Variants in ERBB4 observed in about 807,000 individuals in gnomAD.
The protein encoded by ERBB4 is erb-b2 receptor tyrosine kinase 4.
In ERBB4, 42 loss-of-function variants were observed where a neutral mutation model predicts 158.0. That is an observed-to-expected ratio of 0.27 (90% CI 0.21 to 0.34). The LOEUF (loss-of-function observed/expected upper bound fraction) is 0.34, where lower values mean the gene tolerates loss of function less well. Ranked by LOEUF, ERBB4 falls within the 10% of genes least tolerant of loss-of-function variation. The pLI is 1.00. For synonymous variants in ERBB4, 583 were observed against 558.7 expected (o/e 1.04, Z -0.61); for missense variants, 1,333 against 1,624.1 (o/e 0.82, Z 3.08).
At chr2:211,843,457 T>A (rs1030965192) in intron 3 of ERBB4, among the ~76,000 whole-genome samples, 3 of 151,972 alleles carry the variant, frequency 2.0e-5, no homozygotes, top group African/African-American at 7.2e-5. Flanking sequence ...CAGGATAGTT[T>A]TGCATAATGG....
At chr2:212,503,826 C>T (rs932502070) in intron 1 of ERBB4, among the ~76,000 whole-genome samples, 1 of 151,970 alleles carries the variant, frequency 6.6e-6, no homozygotes, top group Admixed American at 6.6e-5. Flanking sequence ...AAGGTCCTGT[C>T]TTTTGCCAGT....
chr2:211,999,689 C>T (rs969417094), intron 2 of ERBB4, among the ~76,000 whole-genome samples: 3 of 151,738 alleles, frequency 2.0e-5, no homozygotes, highest in Non-Finnish European at 4.4e-5. Flanking sequence ...TTAATTGTAG[C>T]TACAAATGGG....
intron 20 of ERBB4, among the ~76,000 whole-genome samples, chr2:211,539,188 C>T (rs551537245): frequency 1.3e-5 from 2 of 151,972 alleles, no homozygotes; most frequent in South Asian, 4.1e-4. Context: ...TTTGACTTAA[C>T]AGAGCTAAGA....
At chr2:211,581,275 CAATT>C (rs756711179) in intron 19 of ERBB4, among the ~76,000 whole-genome samples, 97 of 151,538 alleles carry the variant, frequency 6.4e-4, no homozygotes, top group African/African-American at 2.2e-3. Context: ...GGAAATAAAA[CAATT>C]AATATAGAAA....
chr2:212,487,741 G>T (rs1027317228), intron 1 of ERBB4, among the ~76,000 whole-genome samples: 2 of 152,008 alleles, frequency 1.3e-5, no homozygotes, highest in African/African-American at 2.4e-5. Flanking sequence ...TAAAAGAGGA[G>T]CACCAAAAAG....
rs1424325517 is a variant in ERBB4, at chr2:211,580,096, T to A, written c.2302-18008A>T. On this transcript the variant is annotated intron_variant, in intron 19 of 27. Coordinates refer to ENST00000342788, the MANE Select transcript of ERBB4 (RefSeq NM_005235.3). Reference sequence around the variant, plus strand: ...TGTTGGTGCTTTTTAAATAAGTTGTTTTGAGGAGAGTTCAAATTACAGTAT... The same window carrying A: ...TGTTGGTGCTTTTTAAATAAGTTGTATTGAGGAGAGTTCAAATTACAGTAT... Among the ~76,000 whole-genome samples, 4 of 152,168 alleles carry A rather than the reference T, an allele frequency of 2.6e-5. No homozygotes were observed. In the East Asian group the frequency reaches 7.7e-4, roughly 29 times the overall value.
At chr2:212,330,159 C>A (rs1346410859) in intron 1 of ERBB4, among the ~76,000 whole-genome samples, 1 of 152,018 alleles carries the variant, frequency 6.6e-6, no homozygotes. Context: ...CATTCATGGG[C>A]CACTTAGGGC....
chr2:211,671,316 C>T (rs1285798838), intron 14 of ERBB4, among the ~76,000 whole-genome samples: 2 of 151,976 alleles, frequency 1.3e-5, no homozygotes, highest in Admixed American at 6.6e-5. Context: ...AATATGTATA[C>T]TCATGAAGCC....
chr2:211,426,194 G>T (rs1559155922), intron 22 of ERBB4, among the ~76,000 whole-genome samples: 1 of 152,182 alleles, frequency 6.6e-6, no homozygotes, highest in Admixed American at 6.5e-5. Context: ...TTATATCCTT[G>T]TAAAGGTGAT....
chr2:212,430,271 T>C (rs965580172), intron 1 of ERBB4, among the ~76,000 whole-genome samples: 2 of 151,636 alleles, frequency 1.3e-5, no homozygotes, highest in Non-Finnish European at 2.9e-5. Flanking sequence ...AGCAGTCATA[T>C]TATTAAAATC....
intron 2 of ERBB4, among the ~76,000 whole-genome samples, chr2:212,003,645 A>T (rs1327113280): frequency 6.6e-6 from 1 of 152,212 alleles, no homozygotes; most frequent in Non-Finnish European, 1.5e-5. Flanking sequence ...ATAAAATAAT[A>T]AAAATATTTT....
intron 2 of ERBB4, among the ~76,000 whole-genome samples, chr2:212,103,772 T>C (rs2079148546): frequency 6.6e-6 from 1 of 152,014 alleles, no homozygotes; most frequent in African/African-American, 2.4e-5. Context: ...AAAATATATT[T>C]CCACTTTGAA....
chr2:212,165,401 C>T (rs1466052582), intron 1 of ERBB4, among the ~76,000 whole-genome samples: 1 of 151,704 alleles, frequency 6.6e-6, no homozygotes, highest in Non-Finnish European at 1.5e-5. Flanking sequence ...TAATCCCAGC[C>T]CTGAGGGTAA....
chr2:212,254,086 A>G (rs972966781), intron 1 of ERBB4, among the ~76,000 whole-genome samples: 2 of 152,130 alleles, frequency 1.3e-5, no homozygotes, highest in African/African-American at 4.8e-5. Context: ...TATGCCACAC[A>G]TGACTGTAAA....
In ERBB4 at chr2:212,115,801, G is replaced by A. The variant is rs185268940; in HGVS notation, c.234+8951C>T. 2.3e-3 allele frequency among the ~76,000 whole-genome samples: 348 copies of A among 152,106 alleles called. 1 individual carries two copies. Among genetic ancestry groups the A allele is most frequent in the Non-Finnish European group, 4.0e-3 (269 of 67,980 alleles). ...TGTGATTGCAGGTGTGAGCCACTGT[G>A]CCTGGATGTATTTTTCTCATTTAAA... On this transcript the variant is annotated intron_variant, in intron 2 of 27. Transcript: ENST00000342788.
At chr2:211,544,959 C>T (rs530510402) in intron 20 of ERBB4, among the ~76,000 whole-genome samples, 24 of 152,132 alleles carry the variant, frequency 1.6e-4, no homozygotes, top group African/African-American at 2.9e-4. Flanking sequence ...CAATCACAAT[C>T]GGTCAAGGGC....
chr2:212,068,994 G>T (rs976252117), intron 2 of ERBB4, among the ~76,000 whole-genome samples: 1 of 152,042 alleles, frequency 6.6e-6, no homozygotes, highest in Non-Finnish European at 1.5e-5. Flanking sequence ...TCTCTTGCCT[G>T]CCACCATGTA....
chr2:212,020,465 T>G (rs1300150265), intron 2 of ERBB4, among the ~76,000 whole-genome samples: 1 of 152,092 alleles, frequency 6.6e-6, no homozygotes, highest in Admixed American at 6.6e-5. Context: ...TTTTTAATGT[T>G]TTCCTAAGTT....
chr2:211,785,460 T>C (rs558815057), intron 4 of ERBB4, among the ~76,000 whole-genome samples: 105 of 152,052 alleles, frequency 6.9e-4, no homozygotes, highest in African/African-American at 2.5e-3. Flanking sequence ...TTGCTGTTGG[T>C]GTTTTTGGTG....
Sources: allele counts gnomAD v4.1 joint callset (sites outside exome capture counted in the v4.1 genomes callset), GRCh38; gene constraint gnomAD v4.1.1; transcripts MANE v1.5; gene names NCBI Gene and HGNC (gene_info 2026-07-23, HGNC 2026-07-21).